The following SLC14A2 variants were observed in gnomAD, a reference collection of about 807,000 sequenced individuals.
SLC14A2 encodes solute carrier family 14 member 2.
SLC14A2 carries 91 observed loss-of-function variants against 104.6 expected under a neutral mutation model. The ratio of observed to expected loss-of-function variants is 0.87; its 90% confidence interval spans 0.73 to 1.04. The LOEUF is 1.04. SLC14A2 is among the 50% of genes least tolerant of loss of function. The pLI, the probability that SLC14A2 is intolerant of heterozygous loss-of-function variation, is 0.00. For synonymous variants in SLC14A2, 476 were observed against 466.4 expected, an observed-to-expected ratio of 1.02 and a Z score of -0.27; for missense variants, 1,189 against 1,156.0, an observed-to-expected ratio of 1.03 and a Z score of -0.41.
chr18:45,197,132 G>GA, the SLC14A2 span, among the ~76,000 whole-genome samples: 2 of 152,130 alleles, frequency 1.3e-5, no homozygotes, highest in Non-Finnish European at 2.9e-5. Flanking sequence ...CCACACTCCA[G>GA]AAAAAAACAG....
At chr18:45,406,366 C>A (rs2086154896) in intron 1 of SLC14A2, among the ~76,000 whole-genome samples, 1 of 152,184 alleles carries the variant, frequency 6.6e-6, no homozygotes, top group African/African-American at 2.4e-5. Context: ...GTCTCCACTT[C>A]TAATTCTAGT....
intron 1 of SLC14A2, among the ~76,000 whole-genome samples, chr18:45,243,960 A>G (rs572169822): frequency 1.8e-4 from 27 of 152,270 alleles, no homozygotes; most frequent in Non-Finnish European, 7.4e-5. Flanking sequence ...TATTCGGGGT[A>G]GATTAATTAA....
chr18:45,236,188 T>C (rs1431692318), intron 1 of SLC14A2, among the ~76,000 whole-genome samples: 1 of 60,064 alleles, frequency 1.7e-5, no homozygotes. Context: ...TATATGTGTG[T>C]ATATATGTGT....
chr18:45,533,931 A>T (rs1315426096), intron 2 of SLC14A2, among the ~76,000 whole-genome samples: 1 of 152,188 alleles, frequency 6.6e-6, no homozygotes, highest in Non-Finnish European at 1.5e-5. Context: ...AGTAGTTTTA[A>T]TAAAGCCAAA....
At chr18:45,632,220 G>T (rs979359447) in intron 4 of SLC14A2, 130 bp from the exon 5 acceptor site, 1 of 1,142,360 alleles carries the variant, frequency 8.8e-7, no homozygotes. Context: ...TTCATTGAGC[G>T]AACTGACTTT....
At chr18:45,527,606 T>C (rs999841211) in intron 2 of SLC14A2, among the ~76,000 whole-genome samples, 1 of 152,188 alleles carries the variant, frequency 6.6e-6, no homozygotes, top group South Asian at 2.1e-4. Context: ...ATGGGAAGGA[T>C]GTGGCATTTG....
At chr18:45,286,549 G>A (rs1016020797) in intron 1 of SLC14A2, among the ~76,000 whole-genome samples, 6 of 152,194 alleles carry the variant, frequency 3.9e-5, no homozygotes, top group Non-Finnish European at 7.3e-5. Context: ...ACTAAAGGTG[G>A]CTGCATTAAT....
chr18:45,237,567 G>A (rs951575941), intron 1 of SLC14A2, among the ~76,000 whole-genome samples: 2 of 152,136 alleles, frequency 1.3e-5, no homozygotes, highest in African/African-American at 4.8e-5. Context: ...GAGTGGTGGC[G>A]AATCGTAAAT....
chr18:45,560,023 T>C (rs566450296), intron 2 of SLC14A2, among the ~76,000 whole-genome samples: 24 of 152,306 alleles, frequency 1.6e-4, no homozygotes, highest in African/African-American at 2.9e-4. Context: ...GTCCTCTGCC[T>C]ACACGTTGCC....
chr18:45,632,597 G>T (rs2045363104), intron 5 of SLC14A2, 119 bp downstream of exon 5: 1 of 1,097,362 alleles, frequency 9.1e-7, no homozygotes, highest in Non-Finnish European at 1.3e-6. Flanking sequence ...AGCCAAGTTA[G>T]CTTGTCTGAC....
chr18:45,514,293 C>T (rs759158312), intron 2 of SLC14A2, among the ~76,000 whole-genome samples: 31 of 152,086 alleles, frequency 2.0e-4, no homozygotes, highest in Admixed American at 3.3e-4. Context: ...ACATGACTGA[C>T]GGGAGAGAGA....
intron 2 of SLC14A2, among the ~76,000 whole-genome samples, chr18:45,595,863 C>T (rs1479709425): frequency 6.6e-6 from 1 of 152,110 alleles, no homozygotes; most frequent in African/African-American, 2.4e-5. Context: ...ATGTTCGGAG[C>T]GAACATCAGA....
intron 1 of SLC14A2, among the ~76,000 whole-genome samples, chr18:45,247,785 G>C (rs544309709): frequency 6.6e-6 from 1 of 150,858 alleles, no homozygotes; most frequent in Non-Finnish European, 1.5e-5. Context: ...ATTCTCTGGT[G>C]CTGTGATACG....
the SLC14A2 span, among the ~76,000 whole-genome samples, chr18:45,170,467 T>C: frequency 6.6e-6 from 1 of 152,196 alleles, no homozygotes; most frequent in African/African-American, 2.4e-5. Context: ...AGAAGGGATA[T>C]ATAACCTTGA....
chr18:45,627,512 C>T (rs1179732717), intron 4 of SLC14A2, among the ~76,000 whole-genome samples: 4 of 152,158 alleles, frequency 2.6e-5, no homozygotes, highest in Non-Finnish European at 4.4e-5. Flanking sequence ...AGAAGACAGA[C>T]ATTACCAAGT....
rs571505370 is a variant in SLC14A2 at position 45,682,750 on chromosome 18, C to T, written c.*231C>T. On this transcript the variant is annotated 3_prime_UTR_variant, in exon 20 of 20. Coordinates refer to ENST00000255226, the MANE Select transcript of SLC14A2 (RefSeq NM_007163.4). ...TATACCCTTAGCTTTCCCATAAGAGCTCCCTTTGTGGGGAACTTGCCCTCT... is the reference window on the plus strand; with the variant it reads ...TATACCCTTAGCTTTCCCATAAGAGTTCCCTTTGTGGGGAACTTGCCCTCT... 1.3e-4 allele frequency: 64 copies of T among 484,040 alleles called. No individual in the cohort carries two copies. The highest frequency in any genetic ancestry group is 9.2e-4 in the Admixed American group (28 of 30,396). 30.0% of individuals were successfully genotyped at this position (484,040 alleles called of 1,614,324 possible).
chr18:45,269,104 G>A (rs574123517), intron 1 of SLC14A2, among the ~76,000 whole-genome samples: 1 of 151,876 alleles, frequency 6.6e-6, no homozygotes, highest in East Asian at 1.9e-4. Flanking sequence ...AGCTTTATAG[G>A]CCAAATCAAG....
intron 2 of SLC14A2, among the ~76,000 whole-genome samples, chr18:45,574,080 A>C (rs1469146042): frequency 6.6e-6 from 1 of 152,226 alleles, no homozygotes; most frequent in Non-Finnish European, 1.5e-5. Context: ...ATCTTTTTAA[A>C]TGGGTAGGAT....
At chr18:45,640,910 G>T (rs7237461) in intron 7 of SLC14A2, among the ~76,000 whole-genome samples, 141,079 of 152,316 alleles carry the variant, frequency 0.93, 65,456 homozygotes, top group Middle Eastern at 0.96. Flanking sequence ...TAAGACTGCA[G>T]TTGCTGTAGT....
Sources: allele counts gnomAD v4.1 joint callset (sites outside exome capture counted in the v4.1 genomes callset), GRCh38; gene constraint gnomAD v4.1.1; transcripts MANE v1.5; gene names NCBI Gene and HGNC (gene_info 2026-07-23, HGNC 2026-07-21).